Variants in CSMD1 observed in about 807,000 individuals in gnomAD.
CSMD1 encodes CUB and sushi domain-containing protein 1.
A neutral mutation model predicts 417.5 loss-of-function variants in CSMD1; 213 were observed. That is an observed-to-expected ratio of 0.51 (90% CI 0.46 to 0.57). The LOEUF (loss-of-function observed/expected upper bound fraction) is 0.57. CSMD1 is among the 20% of genes least tolerant of loss of function. The pLI is 0.00. For synonymous variants in CSMD1, 2,862 were observed against 1,736.8 expected (o/e 1.65, Z -16.11); for missense variants, 6,923 against 4,529.7 (o/e 1.53, Z -15.17).
At chr8:3,235,656 C>G (rs1261016088) in intron 26 of CSMD1, among the ~76,000 whole-genome samples, 1 of 152,140 alleles carries the variant, frequency 6.6e-6, no homozygotes, top group Non-Finnish European at 1.5e-5. Flanking sequence ...AAGATCCTTC[C>G]AAATAGAAGT....
intron 5 of CSMD1, among the ~76,000 whole-genome samples, chr8:3,764,510 A>T (rs2129056946): frequency 6.6e-6 from 1 of 152,254 alleles, no homozygotes; most frequent in South Asian, 2.1e-4. Context: ...GCCCTGGGTG[A>T]CGGATGTCAC....
chr8:3,022,525 G>A (rs1472581923), intron 51 of CSMD1, among the ~76,000 whole-genome samples: 1 of 152,106 alleles, frequency 6.6e-6, no homozygotes, highest in African/African-American at 2.4e-5. Flanking sequence ...TTATATTCAC[G>A]TTGAAATATA....
At chr8:4,895,119 C>T (rs1470223732) in intron 1 of CSMD1, among the ~76,000 whole-genome samples, 1 of 152,134 alleles carries the variant, frequency 6.6e-6, no homozygotes, top group Non-Finnish European at 1.5e-5. Flanking sequence ...AAAGAGTTTT[C>T]ACTCAAAAAT....
intron 9 of CSMD1, among the ~76,000 whole-genome samples, chr8:3,583,176 G>A (rs1161571989): frequency 6.6e-6 from 1 of 151,926 alleles, no homozygotes; most frequent in African/African-American, 2.4e-5. Context: ...TACCAATCAT[G>A]TGAGCCAGTT....
intron 16 of CSMD1, among the ~76,000 whole-genome samples, chr8:3,397,876 C>T (rs1021166246): frequency 8.5e-5 from 13 of 152,166 alleles, no homozygotes; most frequent in Admixed American, 1.3e-4. Context: ...AGAATTTGTG[C>T]GCACAATCCC....
intron 1 of CSMD1, among the ~76,000 whole-genome samples, chr8:4,813,464 A>T (rs1563469030): frequency 1.3e-5 from 2 of 152,210 alleles, no homozygotes. Context: ...ATACAACAGA[A>T]CGTATCAAAA....
intron 3 of CSMD1, among the ~76,000 whole-genome samples, chr8:4,304,567 T>C (rs186582363): frequency 1.5e-4 from 23 of 152,228 alleles, no homozygotes; most frequent in Admixed American, 1.3e-3. Flanking sequence ...TTGGGATGTG[T>C]TTAAAATTGC....
intron 2 of CSMD1, among the ~76,000 whole-genome samples, chr8:4,635,158 A>T (rs1802749409): frequency 6.6e-6 from 1 of 152,150 alleles, no homozygotes; most frequent in Admixed American, 6.5e-5. Flanking sequence ...GCTCTTTCTT[A>T]TCAACCTCCC....
At chr8:3,216,180 T>C (rs903726534) in intron 29 of CSMD1, among the ~76,000 whole-genome samples, 1 of 151,926 alleles carries the variant, frequency 6.6e-6, no homozygotes, top group Non-Finnish European at 1.5e-5. Flanking sequence ...AAAAGCTGTT[T>C]GGATGTTTAA....
At chr8:4,382,111 A>C (rs890314848) in intron 3 of CSMD1, among the ~76,000 whole-genome samples, 1 of 152,222 alleles carries the variant, frequency 6.6e-6, no homozygotes, top group Non-Finnish European at 1.5e-5. Context: ...TAATTAATAT[A>C]GAATGCACTT....
At chr8:3,524,635 A>G (rs1043807499) in intron 10 of CSMD1, among the ~76,000 whole-genome samples, 1 of 151,370 alleles carries the variant, frequency 6.6e-6, no homozygotes, top group Non-Finnish European at 1.5e-5. Context: ...GCACACCCAG[A>G]GAGACATGTG....
intron 22 of CSMD1, among the ~76,000 whole-genome samples, chr8:3,345,353 T>G (rs995106032): frequency 2.0e-5 from 3 of 152,138 alleles, no homozygotes; most frequent in African/African-American, 2.4e-5. Context: ...TCTGCGTTCT[T>G]TATCCATGTC....
chr8:4,852,349 G>C (rs76339009), intron 1 of CSMD1, among the ~76,000 whole-genome samples: 1 of 152,046 alleles, frequency 6.6e-6, no homozygotes, highest in Non-Finnish European at 1.5e-5. Context: ...GAGAGTTCTT[G>C]CAACATCTGG....
intron 49 of CSMD1, among the ~76,000 whole-genome samples, chr8:3,084,248 G>A (rs1814353651): frequency 6.6e-6 from 1 of 152,174 alleles, no homozygotes. Context: ...CTAGAGCTGG[G>A]CAGGGTGGCT....
At chr8:3,059,138 C>T (rs1812421502) in intron 49 of CSMD1, among the ~76,000 whole-genome samples, 1 of 151,794 alleles carries the variant, frequency 6.6e-6, no homozygotes, top group Middle Eastern at 3.4e-3. Context: ...GAAGGTCTCC[C>T]CATCCCATCA....
chr8:4,797,665 G>C (rs931888349), intron 1 of CSMD1, among the ~76,000 whole-genome samples: 15 of 152,160 alleles, frequency 9.9e-5, no homozygotes, highest in African/African-American at 3.6e-4. Flanking sequence ...AAAATTATCT[G>C]AAGCTAATAG....
chr8:2,997,939 C>A, intron 54 of CSMD1, 72 bp downstream of exon 54: 1 of 1,419,726 alleles, frequency 7.0e-7, no homozygotes, highest in Non-Finnish European at 9.6e-7. Flanking sequence ...TGGAGACAGG[C>A]TCTTGATGGT....
chr8:4,119,319 A>C (rs1011243223), intron 3 of CSMD1, among the ~76,000 whole-genome samples: 2 of 152,166 alleles, frequency 1.3e-5, no homozygotes, highest in Admixed American at 1.3e-4. Flanking sequence ...GCAAATTACT[A>C]ATCAAAGTTT....
At chr8:4,483,976 A>G (rs1214342435) in intron 2 of CSMD1, among the ~76,000 whole-genome samples, 1 of 152,020 alleles carries the variant, frequency 6.6e-6, no homozygotes, top group African/African-American at 2.4e-5. Context: ...GCGTTTTCGG[A>G]GAGAGCACAG....
Sources: gnomAD v4.1 joint callset for allele counts (sites outside exome capture counted in the v4.1 genomes callset) on GRCh38, gnomAD v4.1.1 for gene constraint, MANE v1.5 for transcripts, NCBI Gene and HGNC (gene_info 2026-07-23, HGNC 2026-07-21) for gene names.